Variants in RSPRY1 observed in about 807,000 individuals in gnomAD.
RSPRY1 encodes ring finger and SPRY domain containing 1, also known as RING finger and SPRY domain-containing protein 1.
RSPRY1 carries 23 observed loss-of-function variants against 73.1 expected under a neutral mutation model. The ratio of observed to expected loss-of-function variants is 0.31; its 90% confidence interval spans 0.23 to 0.45. The LOEUF is 0.45. RSPRY1 is among the 20% of genes least tolerant of loss of function. The probability of loss-of-function intolerance (pLI) is 1.00; values close to 1 mark genes in which losing one functional copy is unlikely to be tolerated. For synonymous variants in RSPRY1, 226 were observed against 251.4 expected (o/e 0.90, Z 0.95); for missense variants, 448 against 698.7 (o/e 0.64, Z 4.05).
intron 4 of RSPRY1, among the ~76,000 whole-genome samples, chr16:57,211,707 A>G (rs2074846454): frequency 6.6e-6 from 1 of 152,104 alleles, no homozygotes; most frequent in South Asian, 2.1e-4. Flanking sequence ...TGTGTTTTAC[A>G]GAGTCCTTTT....
chr16:57,224,493 T>C (rs1482173072), intron 10 of RSPRY1: 1 of 152,250 alleles, frequency 6.6e-6, no homozygotes, highest in African/African-American at 2.4e-5. Context: ...ATGTTTCCAT[T>C]GCTAAAATAT....
At chr16:57,229,191 T>G (rs2075167757) in intron 11 of RSPRY1, among the ~76,000 whole-genome samples, 1 of 152,240 alleles carries the variant, frequency 6.6e-6, no homozygotes. Context: ...TTTCAAAGCT[T>G]TTGCTGTATA....
intron 10 of RSPRY1, among the ~76,000 whole-genome samples, chr16:57,223,751 G>A (rs1332243622): frequency 6.6e-6 from 1 of 152,216 alleles, no homozygotes; most frequent in African/African-American, 2.4e-5. Context: ...TAGCCTGGGC[G>A]ATAGAGTGAG....
At chr16:57,208,432 C>G (rs1464178396) in intron 3 of RSPRY1, among the ~76,000 whole-genome samples, 1 of 122,062 alleles carries the variant, frequency 8.2e-6, no homozygotes, top group Non-Finnish European at 1.6e-5. Flanking sequence ...GAGTCTCACT[C>G]TGTTGCCCAG....
At chr16:57,194,819 T>A (rs1391087939) in intron 1 of RSPRY1, among the ~76,000 whole-genome samples, 2 of 152,210 alleles carry the variant, frequency 1.3e-5, no homozygotes, top group African/African-American at 4.8e-5. Flanking sequence ...CATTGATTCC[T>A]GGACCATTTG....
At chr16:57,231,143 C>T (rs2075213300) in intron 12 of RSPRY1, 24 bp from the exon 13 acceptor site, 1 of 1,606,524 alleles carries the variant, frequency 6.2e-7, no homozygotes, top group Non-Finnish European at 8.5e-7. Context: ...ATTCTATTGG[C>T]CTCTGTACTC....
At chr16:57,192,708 C>CTTTT (rs373914013) in intron 1 of RSPRY1, among the ~76,000 whole-genome samples, 1 of 123,594 alleles carries the variant, frequency 8.1e-6, no homozygotes, top group Non-Finnish European at 1.7e-5. Context: ...TCCAGAGACT[C>CTTTT]TTTTTTTTTT....
intron 1 of RSPRY1, among the ~76,000 whole-genome samples, chr16:57,198,830 G>A (rs2074503281): frequency 6.6e-6 from 1 of 152,148 alleles, no homozygotes; most frequent in Non-Finnish European, 1.5e-5. Flanking sequence ...AAGGCTGTGG[G>A]GTATTAGAGC....
intron 1 of RSPRY1, among the ~76,000 whole-genome samples, chr16:57,195,546 A>G (rs2074425661): frequency 6.6e-6 from 1 of 152,204 alleles, no homozygotes; most frequent in Non-Finnish European, 1.5e-5. Flanking sequence ...AATCATATTA[A>G]AAGTATTGCC....
chr16:57,201,896 C>T (rs1398693594), intron 1 of RSPRY1, among the ~76,000 whole-genome samples: 1 of 152,086 alleles, frequency 6.6e-6, no homozygotes, highest in Non-Finnish European at 1.5e-5. Context: ...TGCAGTGAGC[C>T]GAGATGGCAG....
chr16:57,235,418 C>A (rs1212717619), intron 14 of RSPRY1, among the ~76,000 whole-genome samples, 190 bp downstream of exon 14: 1 of 152,148 alleles, frequency 6.6e-6, no homozygotes, highest in East Asian at 1.9e-4. Context: ...TTTGTTTACT[C>A]AGTACTGTAT....
intron 1 of RSPRY1, among the ~76,000 whole-genome samples, chr16:57,194,408 A>G (rs750867569): frequency 2.0e-5 from 3 of 152,244 alleles, no homozygotes; most frequent in Non-Finnish European, 2.9e-5. Context: ...GGAAAATTTC[A>G]TAATAAAATA....
intron 14 of RSPRY1, 128 bp downstream of exon 14, chr16:57,235,356 G>C: frequency 1.5e-6 from 1 of 653,430 alleles, no homozygotes; most frequent in South Asian, 1.9e-5. Context: ...GAACCTGGCT[G>C]TCTTCCAGAA....
At chr16:57,210,698 G>A (rs1453245018) in intron 4 of RSPRY1, among the ~76,000 whole-genome samples, 2 of 149,756 alleles carry the variant, frequency 1.3e-5, no homozygotes, top group African/African-American at 4.9e-5. Context: ...GGGCGACAAA[G>A]CGAAACTCTG....
chr16:57,222,067 A>T (rs1490942971), intron 10 of RSPRY1, among the ~76,000 whole-genome samples: 1 of 152,152 alleles, frequency 6.6e-6, no homozygotes, highest in African/African-American at 2.4e-5. Flanking sequence ...TTTGGAATTA[A>T]TCCAGTTTTG....
At chr16:57,215,420 T>G (rs1317846327) in intron 6 of RSPRY1, among the ~76,000 whole-genome samples, 1 of 152,102 alleles carries the variant, frequency 6.6e-6, no homozygotes, top group Non-Finnish European at 1.5e-5. Flanking sequence ...ACCAGGGAAG[T>G]CAGTGGGAAT....
chr16:57,224,667 A>G (rs1484076215), intron 10 of RSPRY1, among the ~76,000 whole-genome samples: 1 of 152,242 alleles, frequency 6.6e-6, no homozygotes, highest in Non-Finnish European at 1.5e-5. Context: ...TGTAAGCTTA[A>G]GAGATTTTTA....
At chr16:57,190,115 C>T (rs2074327648) in intron 1 of RSPRY1, among the ~76,000 whole-genome samples, 2 of 152,050 alleles carry the variant, frequency 1.3e-5, no homozygotes, top group African/African-American at 4.8e-5. Context: ...CACCTATAAT[C>T]ACAACACTTT....
intron 6 of RSPRY1, 41 bp from the exon 7 acceptor site, chr16:57,216,066 A>G: frequency 9.3e-7 from 1 of 1,076,626 alleles, no homozygotes; most frequent in Non-Finnish European, 1.3e-6. Flanking sequence ...CTGCAGGGGA[A>G]TGATTTTTTT....
Sources: gnomAD v4.1 joint callset for allele counts (sites outside exome capture counted in the v4.1 genomes callset) on GRCh38, gnomAD v4.1.1 for gene constraint, MANE v1.5 for transcripts, NCBI Gene and HGNC (gene_info 2026-07-23, HGNC 2026-07-21) for gene names.